Variants in ICA1 observed in about 807,000 individuals in gnomAD.
ICA1 encodes 69 kDa islet cell autoantigen.
In ICA1, 40 loss-of-function variants were observed where a neutral mutation model predicts 71.0. The observed-to-expected ratio is 0.56, with a 90% CI of 0.44 to 0.73. ICA1 has a LOEUF of 0.73. Ranked by LOEUF, ICA1 falls within the 30% of genes least tolerant of loss-of-function variation. The pLI is 0.00. For missense variants in ICA1, 578 were observed against 576.5 expected, an observed-to-expected ratio of 1.00 and a Z score of -0.03; for synonymous variants, 207 against 209.5, an observed-to-expected ratio of 0.99 and a Z score of 0.10.
intron 1 of ICA1, among the ~76,000 whole-genome samples, chr7:8,252,057 T>C (rs1265529146): frequency 6.6e-6 from 1 of 152,088 alleles, no homozygotes; most frequent in African/African-American, 2.4e-5. Flanking sequence ...AAAACAACAC[T>C]AGAAACAGAA....
At chr7:8,253,158 A>C (rs566040518) in intron 1 of ICA1, among the ~76,000 whole-genome samples, 1 of 152,376 alleles carries the variant, frequency 6.6e-6, no homozygotes, top group East Asian at 1.9e-4. Context: ...TTAATTCTAT[A>C]ACTTCGGTCA....
intron 6 of ICA1, among the ~76,000 whole-genome samples, chr7:8,165,784 G>C (rs1805712151): frequency 6.6e-6 from 1 of 152,006 alleles, no homozygotes; most frequent in African/African-American, 2.4e-5. Context: ...AGCCACAAAA[G>C]GAATAAAACA....
chr7:8,152,795 C>CA (rs1799774955), intron 8 of ICA1, among the ~76,000 whole-genome samples: 2 of 116,720 alleles, frequency 1.7e-5, no homozygotes, highest in Non-Finnish European at 2.1e-5. Flanking sequence ...TCACCATCAC[C>CA]TCCACCACCA....
At chr7:8,158,406 T>C in intron 7 of ICA1, 121 bp downstream of exon 7, 1 of 1,236,056 alleles carries the variant, frequency 8.1e-7, no homozygotes, top group African/African-American at 1.5e-5. Flanking sequence ...GGAAGTGAAA[T>C]TACGGAAAGG....
chr7:8,254,250 T>C (rs549306142), intron 1 of ICA1, among the ~76,000 whole-genome samples: 1 of 152,216 alleles, frequency 6.6e-6, no homozygotes, highest in East Asian at 1.9e-4. Context: ...GCACGGGTCC[T>C]GTAAACAAAC....
chr7:8,174,748 T>C (rs1189217461), intron 6 of ICA1, among the ~76,000 whole-genome samples: 1 of 23,208 alleles, frequency 4.3e-5, no homozygotes, highest in Non-Finnish European at 1.1e-4. Context: ...ACAGCCAGAC[T>C]GTATCTCAAA....
Position 8,132,511 on chromosome 7 carries a change from G to C in ICA1, c.1061-4369C>G, listed in dbSNP as rs1270492907. On this transcript the variant is annotated intron_variant, in intron 12 of 13. Coordinates refer to ENST00000402384, the MANE Select transcript of ICA1 (RefSeq NM_001136020.3). The surrounding 1 kb of genome is among the most constrained non-coding windows in gnomAD (Gnocchi z 4.5). ...CACCCTATACTGAAATAGCTCTCTT[G>C]AAGGTCAGCAGTGAGATCCTCATTG... Among the ~76,000 whole-genome samples the C allele has an allele frequency of 2.6e-5, 4 of 152,248 alleles. No individual in the cohort carries two copies. Among genetic ancestry groups the C allele is most frequent in the African/African-American group, 9.6e-5 (4 of 41,540 alleles).
chr7:8,186,747 T>A (rs906275587), intron 6 of ICA1, among the ~76,000 whole-genome samples: 1 of 152,196 alleles, frequency 6.6e-6, no homozygotes, highest in Non-Finnish European at 1.5e-5. Context: ...CTTTCATGCA[T>A]AATGTACTCA....
intron 6 of ICA1, among the ~76,000 whole-genome samples, chr7:8,188,830 C>T (rs979676423): frequency 6.6e-6 from 1 of 152,134 alleles, no homozygotes; most frequent in Non-Finnish European, 1.5e-5. Flanking sequence ...TTACAGGAAT[C>T]AAGACTATGG....
At chr7:8,215,141 C>T (rs1463997361) in intron 6 of ICA1, among the ~76,000 whole-genome samples, 2 of 152,166 alleles carry the variant, frequency 1.3e-5, no homozygotes, top group Non-Finnish European at 2.9e-5. Context: ...GCCTTCCCTA[C>T]ACCCTCCCAC....
chr7:8,163,682 C>G (rs1584771705), intron 6 of ICA1, among the ~76,000 whole-genome samples: 1 of 152,106 alleles, frequency 6.6e-6, no homozygotes, highest in African/African-American at 2.4e-5. Flanking sequence ...ATTAACTATG[C>G]AAGGAGGGAG....
intron 6 of ICA1, among the ~76,000 whole-genome samples, chr7:8,200,573 G>T (rs1204302402): frequency 6.6e-6 from 1 of 152,146 alleles, no homozygotes; most frequent in African/African-American, 2.4e-5. Context: ...AGGTTGACAA[G>T]TATGGAAGGG....
At chr7:8,237,880 A>G (rs1802380360) in intron 1 of ICA1, among the ~76,000 whole-genome samples, 2 of 151,854 alleles carry the variant, frequency 1.3e-5, no homozygotes, top group South Asian at 4.2e-4. Flanking sequence ...TCATGTGTCA[A>G]TGGATATTTA....
At chr7:8,124,231 CT>C (rs1487529858) in intron 13 of ICA1, among the ~76,000 whole-genome samples, 6 of 150,506 alleles carry the variant, frequency 4.0e-5, no homozygotes, top group African/African-American at 1.5e-4. Context: ...CGCCATTCTC[CT>C]GCCTCAGCCT....
chr7:8,179,769 C>T (rs1179858961), intron 6 of ICA1, among the ~76,000 whole-genome samples: 4 of 151,264 alleles, frequency 2.6e-5, no homozygotes, highest in African/African-American at 9.7e-5. Context: ...TTTTTTCCCA[C>T]ATTTTTACAG....
chr7:8,150,904 C>T (rs999274174), intron 8 of ICA1, among the ~76,000 whole-genome samples: 1 of 152,234 alleles, frequency 6.6e-6, no homozygotes, highest in African/African-American at 2.4e-5. Flanking sequence ...AAGGCAGGAG[C>T]ATCCCAATTC....
At chr7:8,122,272 G>T (rs1787289565) in intron 13 of ICA1, among the ~76,000 whole-genome samples, 1 of 152,214 alleles carries the variant, frequency 6.6e-6, no homozygotes. Context: ...CTAAGATGTG[G>T]GAGGTGTGGA....
At position 8,205,932 on chromosome 7, in the gene ICA1, C is replaced by T. The variant is rs550955858; in HGVS notation, c.579+12373G>A. 1.7e-4 allele frequency among the ~76,000 whole-genome samples: 26 copies of T among 152,330 alleles called. No individual in the cohort carries two copies. In the South Asian group the frequency reaches 4.6e-3, roughly 27 times the overall value. ...GCCTGTAGGGTGCTGCAATCCAACT[C>T]GAAGGCCTGGAGTTGGGTTGAAAGT... On this transcript the variant is annotated intron_variant, in intron 6 of 13. Coordinates refer to ENST00000402384, the MANE Select transcript of ICA1 (RefSeq NM_001136020.3).
intron 7 of ICA1, 37 bp from the exon 8 acceptor site, chr7:8,157,251 A>C: frequency 6.4e-7 from 1 of 1,553,000 alleles, no homozygotes; most frequent in Non-Finnish European, 8.7e-7. Flanking sequence ...AATGTTTTGA[A>C]TGCCCAGTTC....
Sources: allele counts gnomAD v4.1 joint callset (sites outside exome capture counted in the v4.1 genomes callset), GRCh38; gene constraint gnomAD v4.1.1; non-coding constraint Gnocchi (gnomAD v3.1); transcripts MANE v1.5; gene names NCBI Gene and HGNC (gene_info 2026-07-23, HGNC 2026-07-21).